KCNQ1: variants seen among roughly 807,000 people sequenced by gnomAD.
The protein encoded by KCNQ1 is potassium voltage-gated channel subfamily Q member 1, also known as potassium voltage-gated channel subfamily KQT member 1.
A neutral mutation model predicts 72.4 loss-of-function variants in KCNQ1; 49 were observed. The observed-to-expected ratio is 0.68, with a 90% CI of 0.54 to 0.86. The LOEUF (loss-of-function observed/expected upper bound fraction) is 0.86. Ranked by LOEUF, KCNQ1 falls within the 40% of genes least tolerant of loss-of-function variation. The probability of loss-of-function intolerance (pLI) is 0.00; values close to 1 mark genes in which losing one functional copy is unlikely to be tolerated. For missense variants in KCNQ1, 790 were observed against 945.1 expected, an observed-to-expected ratio of 0.84 and a Z score of 2.15; for synonymous variants, 450 against 412.6, an observed-to-expected ratio of 1.09 and a Z score of -1.10.
Position 2,719,035 on chromosome 11 carries a change from A to AC in KCNQ1, c.1515-49803dup, listed in dbSNP as rs930340910. Among the ~76,000 whole-genome samples, 77 of 151,786 alleles carry AC rather than the reference A, an allele frequency of 5.1e-4. No homozygotes were observed. The Middle Eastern group carries it at 0.01, about 20-fold the overall frequency. On this transcript the variant is annotated intron_variant, in intron 11 of 15. Transcript: ENST00000155840. Reference sequence around the variant, plus strand: ...CCACAGATACTCATCTACGCTTGTGACCCCCCTCCCGCCCCTGAGTGTGTG... The same window carrying AC: ...CCACAGATACTCATCTACGCTTGTGACCCCCCCTCCCGCCCCTGAGTGTGTG...
At chr11:2,580,643 C>T (rs1848485719) in intron 6 of KCNQ1, among the ~76,000 whole-genome samples, 1 of 152,164 alleles carries the variant, frequency 6.6e-6, no homozygotes, top group African/African-American at 2.4e-5. Flanking sequence ...GTCCCTGAGC[C>T]CAGCCCCAGC....
chr11:2,831,305 C>G (rs1048989131), intron 15 of KCNQ1, among the ~76,000 whole-genome samples: 1 of 152,164 alleles, frequency 6.6e-6, no homozygotes, highest in African/African-American at 2.4e-5. Flanking sequence ...AGTATGTGGC[C>G]CGGCCTGCCC....
At position 2,536,268 on chromosome 11, in the gene KCNQ1, C is replaced by T. The variant is rs190009722; in HGVS notation, c.477+8250C>T. On this transcript the variant is annotated intron_variant, in intron 2 of 15. Coordinates refer to ENST00000155840, the MANE Select transcript of KCNQ1 (RefSeq NM_000218.3). The surrounding 1 kb of genome is among the most constrained non-coding windows in gnomAD (Gnocchi z 7.4). ...TGCCAGGCTGCAGCAGAGACTCCGGCCCCACCAGGCTTCCTGTACTTGGTG... is the reference window on the plus strand; with the variant it reads ...TGCCAGGCTGCAGCAGAGACTCCGGTCCCACCAGGCTTCCTGTACTTGGTG... Among the ~76,000 whole-genome samples the T allele has an allele frequency of 1.3e-5, 2 of 152,342 alleles. No homozygotes were observed. Among genetic ancestry groups the T allele is most frequent in the African/African-American group, 4.8e-5 (2 of 41,588 alleles).
At position 2,809,392 on chromosome 11, in the gene KCNQ1, C is replaced by G. The variant is rs565009566; in HGVS notation, c.1794+31355C>G. The stretch of plus-strand genomic sequence containing the variant: ...GTGGTAGCCAGCGACGCTGCAACCC[C>G]GCCCCCGCAGCCTCCTGGTGCAGCA... On this transcript the variant is annotated intron_variant, in intron 15 of 15. Coordinates refer to ENST00000155840, the MANE Select transcript of KCNQ1 (RefSeq NM_000218.3). This position sits in a 1 kb window ranked among gnomAD's most constrained non-coding sequence, Gnocchi z 7.1. Among the ~76,000 whole-genome samples, 2 of 152,262 alleles carry G rather than the reference C, an allele frequency of 1.3e-5. No individual in the cohort carries two copies. The highest frequency in any genetic ancestry group is 4.1e-4 in the South Asian group (2 of 4,828).
At position 2,784,353 on chromosome 11, in the gene KCNQ1, T is replaced by G. The variant is rs1846876460; in HGVS notation, c.1794+6316T>G. ...GTTTATTTCTGGATTTTCAATTCTA[T>G]TATGTTGGTCTATATGCCTTTCTGT... On this transcript the variant is annotated intron_variant, in intron 15 of 15. Coordinates refer to ENST00000155840, the MANE Select transcript of KCNQ1 (RefSeq NM_000218.3). This position sits in a 1 kb window ranked among gnomAD's most constrained non-coding sequence, Gnocchi z 4.7. 6.6e-6 allele frequency among the ~76,000 whole-genome samples: 1 copy of G among 151,978 alleles called. No homozygotes were observed. The highest frequency in any genetic ancestry group is 2.4e-5 in the African/African-American group (1 of 41,452).
rs1163574328 is a variant in KCNQ1, at chr11:2,725,078, C to G, written c.1515-43766C>G. 6.6e-6 allele frequency among the ~76,000 whole-genome samples: 1 copy of G among 152,200 alleles called. No homozygotes were observed. Among genetic ancestry groups the G allele is most frequent in the Non-Finnish European group, 1.5e-5 (1 of 68,042 alleles). ...GTCTGAGAAGCATCAGACAATGACT[C>G]CTAAACAAGCTCACGTCTTGAAGCA... On this transcript the variant is annotated intron_variant, in intron 11 of 15. Coordinates refer to ENST00000155840, the MANE Select transcript of KCNQ1 (RefSeq NM_000218.3). This position sits in a 1 kb window ranked among gnomAD's most constrained non-coding sequence, Gnocchi z 7.2.
chr11:2,644,203 C>G, intron 10 of KCNQ1: 1 of 398,496 alleles, frequency 2.5e-6, no homozygotes. Context: ...TTGGTTTGCT[C>G]TTCACCTTCT....
In KCNQ1 at chr11:2,750,051, G is replaced by T. The variant is rs1347591514; in HGVS notation, c.1515-18793G>T. The stretch of plus-strand genomic sequence containing the variant: ...GAAAATGGGGTGAGAGGGAGGGAGT[G>T]GGAACAGCCAAGAGGCCAGGAAGCG... On this transcript the variant is annotated intron_variant, in intron 11 of 15. Coordinates refer to ENST00000155840, the MANE Select transcript of KCNQ1 (RefSeq NM_000218.3). The surrounding 1 kb of genome is among the most constrained non-coding windows in gnomAD (Gnocchi z 6.3). Among the ~76,000 whole-genome samples the T allele has an allele frequency of 6.6e-6, 1 of 152,130 alleles. No individual in the cohort carries two copies. Among genetic ancestry groups the T allele is most frequent in the Non-Finnish European group, 1.5e-5 (1 of 68,022 alleles).
In KCNQ1 at chr11:2,664,445, C is replaced by T. The variant is rs144031448; in HGVS notation, c.1514+2364C>T. The T allele has an allele frequency of 3.4e-3, 1,337 of 398,658 alleles. 10 individuals are homozygous for T. Among genetic ancestry groups the T allele is most frequent in the African/African-American group, 0.022 (1,052 of 48,736 alleles). 24.7% of individuals were successfully genotyped at this position (398,658 alleles called of 1,614,324 possible). The stretch of plus-strand genomic sequence containing the variant: ...TCAGGGCCTAGGAACCCAGGCTCCT[C>T]TGGGATACAGGCTGGGTAGAGGCCC... On this transcript the variant is annotated intron_variant, in intron 11 of 15. Transcript: ENST00000155840. This position sits in a 1 kb window ranked among gnomAD's most constrained non-coding sequence, Gnocchi z 5.1.
In KCNQ1 at chr11:2,769,979, G is replaced by A. The variant is rs951113678; in HGVS notation, c.1590+1060G>A. 6.6e-6 allele frequency among the ~76,000 whole-genome samples: 1 copy of A among 152,132 alleles called. No individual in the cohort carries two copies. The highest frequency in any genetic ancestry group is 1.5e-5 in the Non-Finnish European group (1 of 68,008). ...CCACTGAGCTCCCTGCTAGGGTCTG[G>A]TCAGGGCTTATGGGGGCCTTTGTCA... is the stretch of plus-strand genomic sequence containing the variant. On this transcript the variant is annotated intron_variant, in intron 12 of 15. Transcript: ENST00000155840. The surrounding 1 kb of genome is among the most constrained non-coding windows in gnomAD (Gnocchi z 4.6).
chr11:2,794,072 C>T (rs1035762194), intron 15 of KCNQ1, among the ~76,000 whole-genome samples: 1 of 152,026 alleles, frequency 6.6e-6, no homozygotes, highest in Admixed American at 6.5e-5. Context: ...AGCTGGTGAG[C>T]GAGGGATGGC....
At chr11:2,811,524 G>C (rs988099665) in intron 15 of KCNQ1, among the ~76,000 whole-genome samples, 8 of 152,266 alleles carry the variant, frequency 5.3e-5, no homozygotes, top group African/African-American at 1.9e-4. Flanking sequence ...TGAGGGGACA[G>C]AAGGTGAACA....
At position 2,617,314 on chromosome 11, in the gene KCNQ1, G is replaced by A. The variant is rs1849083593; in HGVS notation, c.1393+28460G>A. The A allele has an allele frequency of 2.5e-6, 1 of 398,066 alleles. No individual in the cohort carries two copies. The highest frequency in any genetic ancestry group is 4.4e-5 in the Admixed American group (1 of 22,688). 24.7% of individuals were successfully genotyped at this position (398,066 alleles called of 1,614,324 possible). ...TTTCTTTTTAAGATTCTACATATAG[G>A]TGAGATTATTTAAAACTTTTCATTT... On this transcript the variant is annotated intron_variant, in intron 10 of 15. Coordinates refer to ENST00000155840, the MANE Select transcript of KCNQ1 (RefSeq NM_000218.3). The surrounding 1 kb of genome is among the most constrained non-coding windows in gnomAD (Gnocchi z 4.6).
chr11:2,627,876 G>C lies in KCNQ1; in HGVS notation c.1394-34085G>C. ...AGTGATCCTCCTGCCTCAGCCTCCT[G>C]AGTAGCTGGGACCACAGTCATGCAC... On this transcript the variant is annotated intron_variant, in intron 10 of 15. Coordinates refer to ENST00000155840, the MANE Select transcript of KCNQ1 (RefSeq NM_000218.3). This position sits in a 1 kb window ranked among gnomAD's most constrained non-coding sequence, Gnocchi z 4.9. 1 of 398,690 alleles carries C rather than the reference G, an allele frequency of 2.5e-6. No individual in the cohort carries two copies. The highest frequency in any genetic ancestry group is 3.6e-5 in the East Asian group (1 of 28,074). The allele number at this position is 398,690 out of a possible 1,614,324, so 24.7% of individuals were successfully genotyped here. A position where few individuals can be genotyped will look rare whatever the true frequency, so the allele number is the denominator to read the frequency against.
intron 11 of KCNQ1, chr11:2,688,994 C>A (rs1850544423): frequency 2.5e-6 from 1 of 398,724 alleles, no homozygotes; most frequent in Non-Finnish European, 4.4e-6. Context: ...AGCAGGGGAG[C>A]CTGCAGGTCC....
chr11:2,763,416 TAAGA>T (rs933547133), intron 11 of KCNQ1, among the ~76,000 whole-genome samples: 8 of 128,098 alleles, frequency 6.2e-5, no homozygotes, highest in South Asian at 2.5e-4. Context: ...AAAAAAAAAA[TAAGA>T]AAGAAAGAAA....
intron 1 of KCNQ1, among the ~76,000 whole-genome samples, chr11:2,517,156 A>G (rs1406826997): frequency 1.3e-5 from 2 of 152,166 alleles, no homozygotes; most frequent in Admixed American, 6.5e-5. Context: ...AGGCGGGGCC[A>G]GCCCTCATCC....
At chr11:2,744,549 C>T (rs549972608) in intron 11 of KCNQ1, among the ~76,000 whole-genome samples, 95 of 152,320 alleles carry the variant, frequency 6.2e-4, no homozygotes, top group African/African-American at 2.1e-3. Flanking sequence ...TTCATTTATT[C>T]GCCAGTGTTT....
chr11:2,610,436 A>G lies in KCNQ1; in HGVS notation c.1393+21582A>G, dbSNP rs183244017. ...TCTGTTTTATTAACCTCCTTATATC[A>G]TATATTTGATCCACTTTTTTGGTTT... is the stretch of plus-strand genomic sequence containing the variant. On this transcript the variant is annotated intron_variant, in intron 10 of 15. Coordinates refer to ENST00000155840, the MANE Select transcript of KCNQ1 (RefSeq NM_000218.3). The G allele has an allele frequency of 7.5e-4, 300 of 398,340 alleles. 1 individual carries two copies. The highest frequency in any genetic ancestry group is 4.4e-3 in the African/African-American group (214 of 48,712). 24.7% of individuals were successfully genotyped at this position (398,340 alleles called of 1,614,324 possible). A position where few individuals can be genotyped will look rare whatever the true frequency, so the allele number is the denominator to read the frequency against.
Sources: allele counts gnomAD v4.1 joint callset (sites outside exome capture counted in the v4.1 genomes callset), GRCh38; gene constraint gnomAD v4.1.1; non-coding constraint Gnocchi (gnomAD v3.1); transcripts MANE v1.5; gene names NCBI Gene and HGNC (gene_info 2026-07-23, HGNC 2026-07-21).